TTLL11: variants seen among roughly 807,000 people sequenced by gnomAD.
The protein encoded by TTLL11 is tubulin polyglutamylase TTLL11.
In TTLL11, 42 loss-of-function variants were observed where a neutral mutation model predicts 51.7. That is an observed-to-expected ratio of 0.81 (90% CI 0.64 to 1.05). The LOEUF (loss-of-function observed/expected upper bound fraction) is 1.05, where lower values mean the gene tolerates loss of function less well. TTLL11 is among the 50% of genes least tolerant of loss of function. TTLL11 has a pLI of 0.00. For missense variants in TTLL11, 799 were observed against 940.4 expected, an observed-to-expected ratio of 0.85 and a Z score of 1.97; for synonymous variants, 381 against 383.5, an observed-to-expected ratio of 0.99 and a Z score of 0.08.
chr9:121,982,452 C>A (rs372767599), intron 4 of TTLL11, among the ~76,000 whole-genome samples: 1 of 152,108 alleles, frequency 6.6e-6, no homozygotes, highest in Admixed American at 6.5e-5. Context: ...CATGGTGGCT[C>A]ACACCTGTAA....
chr9:122,054,644 T>C (rs1204261638), intron 1 of TTLL11, among the ~76,000 whole-genome samples: 5 of 152,104 alleles, frequency 3.3e-5, no homozygotes, highest in East Asian at 1.9e-4. Flanking sequence ...CCAACATAAT[T>C]CAGCCCATGG....
At chr9:121,988,531 G>A (rs879622509) in intron 4 of TTLL11, among the ~76,000 whole-genome samples, 3 of 151,846 alleles carry the variant, frequency 2.0e-5, no homozygotes, top group Admixed American at 6.6e-5. Context: ...ATTTCCACCT[G>A]GAACCCTTTG....
intron 3 of TTLL11, among the ~76,000 whole-genome samples, chr9:122,027,896 G>C (rs1217415810): frequency 6.6e-6 from 1 of 152,122 alleles, no homozygotes; most frequent in East Asian, 1.9e-4. Context: ...TTTCTTTATA[G>C]GATAATTGAC....
intron 6 of TTLL11, among the ~76,000 whole-genome samples, chr9:121,876,741 C>T (rs772106885): frequency 3.2e-4 from 48 of 152,174 alleles, no homozygotes; most frequent in Admixed American, 8.5e-4. Context: ...TCTAGGTCAA[C>T]GATTCTGAAA....
chr9:121,874,931 T>C (rs1180897212), intron 6 of TTLL11, among the ~76,000 whole-genome samples: 4 of 152,020 alleles, frequency 2.6e-5, no homozygotes, highest in African/African-American at 9.7e-5. Context: ...TAATTTTTTT[T>C]TTCTTTTTTG....
intron 6 of TTLL11, among the ~76,000 whole-genome samples, chr9:121,896,644 C>G (rs1839535921): frequency 6.6e-6 from 1 of 152,200 alleles, no homozygotes; most frequent in Non-Finnish European, 1.5e-5. Context: ...AGGAGGCCAT[C>G]TGCAGGTGCC....
chr9:122,075,533 G>C (rs555760469), intron 1 of TTLL11, among the ~76,000 whole-genome samples: 65 of 152,244 alleles, frequency 4.3e-4, no homozygotes, highest in African/African-American at 1.3e-3. Context: ...CTCTCCCTTC[G>C]TTCTCTAAAC....
intron 3 of TTLL11, among the ~76,000 whole-genome samples, chr9:122,004,599 C>T (rs1843581900): frequency 6.6e-6 from 1 of 152,156 alleles, no homozygotes; most frequent in Non-Finnish European, 1.5e-5. Flanking sequence ...GTGATCCACC[C>T]ACCTCAGCCT....
intron 6 of TTLL11, chr9:121,885,153 A>G (rs542950463): frequency 3.9e-5 from 6 of 152,224 alleles, no homozygotes; most frequent in Non-Finnish European, 8.8e-5. Flanking sequence ...CCACCCAGAT[A>G]GCCCACTTGC....
chr9:121,994,735 T>C (rs1372026770), intron 3 of TTLL11, among the ~76,000 whole-genome samples: 1 of 152,342 alleles, frequency 6.6e-6, no homozygotes, highest in East Asian at 1.9e-4. Flanking sequence ...GGGGACTCCC[T>C]GAAAGGTTTT....
chr9:121,881,257 C>T (rs951408330), intron 6 of TTLL11, among the ~76,000 whole-genome samples: 4 of 152,140 alleles, frequency 2.6e-5, no homozygotes, highest in African/African-American at 9.7e-5. Flanking sequence ...AGTTCTGTAC[C>T]AAAGTATAGG....
At chr9:122,009,547 C>G (rs1252516326) in intron 3 of TTLL11, among the ~76,000 whole-genome samples, 1 of 151,464 alleles carries the variant, frequency 6.6e-6, no homozygotes, top group African/African-American at 2.4e-5. Flanking sequence ...TATGTATGTA[C>G]TCTATATACC....
chr9:121,855,601 C>T (rs1837789388), intron 8 of TTLL11, among the ~76,000 whole-genome samples: 1 of 152,146 alleles, frequency 6.6e-6, no homozygotes, highest in African/African-American at 2.4e-5. Flanking sequence ...TTTGACACAG[C>T]AGGCACTGGG....
At chr9:121,943,951 C>A (rs1276764184) in intron 6 of TTLL11, among the ~76,000 whole-genome samples, 3 of 152,094 alleles carry the variant, frequency 2.0e-5, no homozygotes, top group Non-Finnish European at 4.4e-5. Context: ...CATGTCTGAT[C>A]AAAGAAAACT....
At chr9:121,963,260 T>A (rs560645858) in intron 6 of TTLL11, among the ~76,000 whole-genome samples, 3 of 152,180 alleles carry the variant, frequency 2.0e-5, no homozygotes, top group Non-Finnish European at 2.9e-5. Context: ...CAGAAACTAT[T>A]ATTCCCCTTT....
intron 3 of TTLL11, among the ~76,000 whole-genome samples, chr9:122,011,796 C>G (rs1272046057): frequency 6.6e-6 from 1 of 152,004 alleles, no homozygotes; most frequent in Non-Finnish European, 1.5e-5. Context: ...AAATAAAAAG[C>G]TAAAAGAAAA....
rs1486954534 is a variant in TTLL11 at position 121,822,744 on chromosome 9, C to T, written c.1976G>A (p.Arg659His). ...EYHLSLLDEKRLVCGRGVPSG... is the reference protein window; with the variant it reads ...EYHLSLLDEKHLVCGRGVPSG... Reference sequence around the variant, plus strand: ...CGGGACGCCCCGGCCACACACCAGGCGTTTTTCATCCAGCAGGGACAGGTG... The same window carrying T: ...CGGGACGCCCCGGCCACACACCAGGTGTTTTTCATCCAGCAGGGACAGGTG... The change falls in exon 9 of 9, where the codon CGC (arginine) becomes CAC (histidine). Residue 659 changes from arginine to histidine, a missense_variant. Arg to His is a conservative substitution (Grantham distance 29, BLOSUM62 0). Around this residue, in one of 3 missense-constraint regions of TTLL11, gnomAD observed 165 missense variants for 166.1 expected, o/e 0.99. Coordinates refer to ENST00000321582, the MANE Select transcript of TTLL11 (RefSeq NM_001139442.2). This position sits in a 1 kb window ranked among gnomAD's most constrained non-coding sequence, Gnocchi z 5.8. 8.4e-6 allele frequency: 13 copies of T among 1,551,458 alleles called. No homozygotes were observed. Among genetic ancestry groups the T allele is most frequent in the African/African-American group, 4.1e-5 (3 of 73,036 alleles).
chr9:121,919,847 TAAAAAAAAAA>T (rs59700871), intron 6 of TTLL11, among the ~76,000 whole-genome samples: 1 of 60,824 alleles, frequency 1.6e-5, no homozygotes, highest in Non-Finnish European at 3.5e-5. Context: ...CCCTCATCTC[TAAAAAAAAAA>T]AAAAAAAAAA....
At chr9:121,828,522 T>C (rs555392587) in intron 8 of TTLL11, among the ~76,000 whole-genome samples, 1 of 152,338 alleles carries the variant, frequency 6.6e-6, no homozygotes, top group African/African-American at 2.4e-5. Context: ...CATTTTTGTA[T>C]GTTGCTATGC....
Sources: allele counts gnomAD v4.1 joint callset (sites outside exome capture counted in the v4.1 genomes callset), GRCh38; gene constraint gnomAD v4.1.1; regional missense constraint gnomAD v4.1.1; non-coding constraint Gnocchi (gnomAD v3.1); transcripts MANE v1.5; gene names NCBI Gene and HGNC (gene_info 2026-07-23, HGNC 2026-07-21).